Variants in SLC24A2 observed in about 807,000 individuals in gnomAD.
SLC24A2 encodes the protein solute carrier family 24 member 2.
A neutral mutation model predicts 62.0 loss-of-function variants in SLC24A2; 36 were observed. The observed-to-expected ratio is 0.58, with a 90% CI of 0.44 to 0.77. The LOEUF is 0.77. SLC24A2 is among the 30% of genes least tolerant of loss of function. The pLI is 0.00. For missense variants in SLC24A2, 846 were observed against 817.9 expected (o/e 1.03, Z -0.42); for synonymous variants, 358 against 294.0 (o/e 1.22, Z -2.23).
the SLC24A2 span, among the ~76,000 whole-genome samples, chr9:20,096,110 T>C: frequency 6.6e-6 from 1 of 151,882 alleles, no homozygotes; most frequent in Non-Finnish European, 1.5e-5. Flanking sequence ...CGTCCGTCCG[T>C]CCGTCCGTCC....
chr9:20,024,609 AG>A, the SLC24A2 span, among the ~76,000 whole-genome samples: 1 of 149,678 alleles, frequency 6.7e-6, no homozygotes, highest in South Asian at 2.2e-4. Flanking sequence ...TAGGATTAGT[AG>A]GTTCTCTGAT....
At chr9:20,015,818 T>G in the SLC24A2 span, among the ~76,000 whole-genome samples, 1 of 152,226 alleles carries the variant, frequency 6.6e-6, no homozygotes, top group Non-Finnish European at 1.5e-5. Flanking sequence ...GTGGGCTTCT[T>G]GATTCTTCCT....
At chr9:19,756,753 A>G (rs1822150126) in intron 2 of SLC24A2, among the ~76,000 whole-genome samples, 1 of 152,060 alleles carries the variant, frequency 6.6e-6, no homozygotes, top group Non-Finnish European at 1.5e-5. Flanking sequence ...ACTTTGACTT[A>G]AGTCTGTTCA....
At chr9:20,246,866 A>G in the SLC24A2 span, among the ~76,000 whole-genome samples, 1 of 152,226 alleles carries the variant, frequency 6.6e-6, no homozygotes, top group Admixed American at 6.5e-5. Flanking sequence ...TGAAGCTGCC[A>G]CCACCACCCT....
chr9:20,175,232 G>A, the SLC24A2 span, among the ~76,000 whole-genome samples: 223 of 151,944 alleles, frequency 1.5e-3, 1 homozygote, highest in African/African-American at 5.1e-3. Flanking sequence ...GGGGACTCAG[G>A]GGGAAAGGTG....
At chr9:20,292,957 A>T in the SLC24A2 span, among the ~76,000 whole-genome samples, 2 of 152,192 alleles carry the variant, frequency 1.3e-5, no homozygotes, top group African/African-American at 4.8e-5. Context: ...GCCTTCTCAG[A>T]AACCTGTAAG....
At chr9:20,098,890 T>A in the SLC24A2 span, among the ~76,000 whole-genome samples, 32 of 152,334 alleles carry the variant, frequency 2.1e-4, no homozygotes, top group Non-Finnish European at 4.6e-4. Context: ...CCTAGCTCAT[T>A]CTCTTAGCTG....
At chr9:20,036,453 T>C in the SLC24A2 span, among the ~76,000 whole-genome samples, 1 of 152,320 alleles carries the variant, frequency 6.6e-6, no homozygotes, top group African/African-American at 2.4e-5. Context: ...TCCCGTCTAA[T>C]TGAAGCTCTG....
chr9:20,236,513 C>G, the SLC24A2 span, among the ~76,000 whole-genome samples: 1 of 152,140 alleles, frequency 6.6e-6, no homozygotes, highest in African/African-American at 2.4e-5. Context: ...AAATTTTCCT[C>G]TGTACTTGAT....
chr9:19,703,857 T>A (rs569366820), intron 2 of SLC24A2, among the ~76,000 whole-genome samples: 262 of 152,330 alleles, frequency 1.7e-3, no homozygotes, highest in Admixed American at 3.4e-3. Context: ...CACTATTTTG[T>A]AATCCTTAAA....
chr9:19,520,853 G>A (rs1833166443), intron 10 of SLC24A2, 41 bp downstream of exon 10: 2 of 1,597,374 alleles, frequency 1.3e-6, no homozygotes, highest in Non-Finnish European at 1.7e-6. Flanking sequence ...AAAGACACTG[G>A]TGGAGCTGGT....
At chr9:19,875,377 T>C in the SLC24A2 span, among the ~76,000 whole-genome samples, 1 of 152,338 alleles carries the variant, frequency 6.6e-6, no homozygotes, top group Non-Finnish European at 1.5e-5. Context: ...TACTTTTAAG[T>C]AGATAATGAC....
At chr9:19,735,859 G>C (rs1322071979) in intron 2 of SLC24A2, among the ~76,000 whole-genome samples, 1 of 151,882 alleles carries the variant, frequency 6.6e-6, no homozygotes, top group Non-Finnish European at 1.5e-5. Flanking sequence ...GGCCTGTTGT[G>C]GGGTGGGGGG....
rs556451705 is a variant in SLC24A2, at chr9:19,579,450, T to C, written c.1130-2428A>G. Among the ~76,000 whole-genome samples, 293 of 152,260 alleles carry C rather than the reference T, an allele frequency of 1.9e-3. 1 individual carries two copies. Among genetic ancestry groups the C allele is most frequent in the African/African-American group, 6.8e-3 (281 of 41,556 alleles). On this transcript the variant is annotated intron_variant, in intron 5 of 10. Transcript: ENST00000341998. ...GAAGGCAATTCCAAAAAGTCCCAAA[T>C]CATCTGGTTTTCCACCCAGAAGAGG...
chr9:19,679,217 G>A (rs557692151), intron 2 of SLC24A2, among the ~76,000 whole-genome samples: 2 of 152,178 alleles, frequency 1.3e-5, no homozygotes, highest in African/African-American at 2.4e-5. Context: ...AAGGGCAATA[G>A]TGTCTTTAGG....
chr9:19,697,530 C>A (rs924086994), intron 2 of SLC24A2, among the ~76,000 whole-genome samples: 1 of 152,176 alleles, frequency 6.6e-6, no homozygotes, highest in Non-Finnish European at 1.5e-5. Flanking sequence ...TAAAAAGTAT[C>A]TGTTCTTTTT....
chr9:20,093,101 C>T, the SLC24A2 span, among the ~76,000 whole-genome samples: 7 of 151,436 alleles, frequency 4.6e-5, no homozygotes, highest in South Asian at 4.2e-4. Context: ...GACCGAGTTT[C>T]GATCTCGTTG....
At chr9:19,753,481 T>C (rs1035051044) in intron 2 of SLC24A2, among the ~76,000 whole-genome samples, 1 of 152,224 alleles carries the variant, frequency 6.6e-6, no homozygotes, top group African/African-American at 2.4e-5. Context: ...AGTTGGGTGC[T>C]TATTAGTCAG....
At chr9:20,071,122 G>A in the SLC24A2 span, among the ~76,000 whole-genome samples, 1 of 152,176 alleles carries the variant, frequency 6.6e-6, no homozygotes, top group Non-Finnish European at 1.5e-5. Flanking sequence ...ATGATTGGAA[G>A]CTTCCTGAGG....
Sources: allele counts gnomAD v4.1 joint callset (sites outside exome capture counted in the v4.1 genomes callset), GRCh38; gene constraint gnomAD v4.1.1; transcripts MANE v1.5; gene names NCBI Gene and HGNC (gene_info 2026-07-23, HGNC 2026-07-21).